ZNF335: variants seen among roughly 807,000 people sequenced by gnomAD.
The protein encoded by ZNF335 is NRC-interacting factor 1.
In ZNF335, 84 loss-of-function variants were observed where a neutral mutation model predicts 145.6. The observed-to-expected ratio is 0.58, with a 90% CI of 0.48 to 0.69. ZNF335 has a LOEUF of 0.69. Among genes scored for constraint, ZNF335 ranks in the 30% least tolerant of loss-of-function variants. ZNF335 has a pLI of 0.00. For missense variants in ZNF335, 1,865 were observed against 1,809.7 expected, an observed-to-expected ratio of 1.03 and a Z score of -0.55; for synonymous variants, 761 against 717.0, an observed-to-expected ratio of 1.06 and a Z score of -0.98.
chr20:45,951,383 T>C (rs2053406733), intron 20 of ZNF335, among the ~76,000 whole-genome samples: 2 of 152,228 alleles, frequency 1.3e-5, no homozygotes, highest in African/African-American at 4.8e-5. Context: ...ACTGGCCCAC[T>C]CACCTTCTCC....
At chr20:45,958,037 A>C (rs1600530527) in intron 15 of ZNF335, 109 bp from the exon 16 acceptor site, 1 of 845,272 alleles carries the variant, frequency 1.2e-6, no homozygotes, top group South Asian at 1.5e-5. Flanking sequence ...GGCTTGTTTC[A>C]TCTTCATAAC....
At chr20:45,958,250 G>A (rs946745620) in intron 15 of ZNF335, among the ~76,000 whole-genome samples, 1 of 152,150 alleles carries the variant, frequency 6.6e-6, no homozygotes, top group Non-Finnish European at 1.5e-5. Flanking sequence ...GTTTCTCCAT[G>A]TTGGTCGGCT....
chr20:45,970,755 G>GTTTTT (rs5841616), intron 2 of ZNF335, among the ~76,000 whole-genome samples: 1 of 127,872 alleles, frequency 7.8e-6, no homozygotes, highest in African/African-American at 2.9e-5. Flanking sequence ...GGGCACTTGC[G>GTTTTT]TTTTTTTTTT....
rs146160237 is a variant in ZNF335 at position 45,952,704 on chromosome 20, T to G, written c.2708A>C (p.Glu903Ala). 59 of 1,613,392 alleles carry G rather than the reference T, an allele frequency of 3.7e-5. No individual in the cohort carries two copies. Among genetic ancestry groups the G allele is most frequent in the Non-Finnish European group, 5.0e-5 (59 of 1,179,936 alleles). Residue 903 changes from glutamate (E) to alanine (A), a missense_variant, in exon 19 of 28, where the codon GAG becomes GCG. By Grantham distance (107) the Glu-to-Ala change is moderately radical. Transcript: ENST00000322927. Reference sequence around the variant, plus strand: ...AGCCTGGGCTGCCTCTCCTGCGGGCTCCTCGCTGTGGGCATGGAGAAGGTT... The same window carrying G: ...AGCCTGGGCTGCCTCTCCTGCGGGCGCCTCGCTGTGGGCATGGAGAAGGTT... ...TSAPGTPYSE[E>A]PAGEAAQAVV... is the part of the protein sequence containing the mutation.
Position 45,957,858 on chromosome 20 carries a change from C to T in ZNF335, c.2324G>A (p.Gly775Asp), listed in dbSNP as rs769408730. The stretch of plus-strand genomic sequence containing the variant: ...ACCTTGCTGGTAGATGATGGTGGCG[C>T]CGCCCAGGGTGTCAGAACAGAGCAA... Reference protein sequence around the residue: ...PSLLCSDTLGGATIIYQQGAE... With the variant: ...PSLLCSDTLGDATIIYQQGAE... The change falls in exon 16 of 28, where the codon GGC becomes GAC. Residue 775 changes from glycine (G) to aspartate (D), a missense_variant. By Grantham distance (94) the Gly-to-Asp change is moderately conservative. Transcript: ENST00000322927. 1.9e-6 allele frequency: 3 copies of T among 1,613,968 alleles called. No individual in the cohort carries two copies. The highest frequency in any genetic ancestry group is 3.3e-5 in the Admixed American group (2 of 60,016).
rs1415470500 is a variant in ZNF335 at position 45,952,721 on chromosome 20, G to C, written c.2703-12C>G. On this transcript the variant is annotated splice_polypyrimidine_tract_variant and intron_variant, in intron 18 of 27. Coordinates refer to ENST00000322927, the MANE Select transcript of ZNF335 (RefSeq NM_022095.4). ...CTGCGGGCTCCTCGCTGTGGGCATG[G>C]AGAAGGTTCTAGGAGAAGATGGAGG... 2 of 1,612,890 alleles carry C rather than the reference G, an allele frequency of 1.2e-6. No homozygotes were observed. Among genetic ancestry groups the C allele is most frequent in the African/African-American group, 2.7e-5 (2 of 74,884 alleles).
rs762815155 is a variant in ZNF335, at chr20:45,953,874, G to A, written c.2517C>T (p.Ala839=). 2 of 1,613,666 alleles carry A rather than the reference G, an allele frequency of 1.2e-6. No homozygotes were observed. Among genetic ancestry groups the A allele is most frequent in the African/African-American group, 1.3e-5 (1 of 74,934 alleles). ...CGTGGAGGGTGACCACCTGTGGAGT[G>A]GCACCTTCAGGGGAGGGCTGCCCAC... The part of the protein sequence containing the change: ...SPGGQPSPEG[A]TPQVVTLHVA... Residue 839 remains alanine (A), a synonymous_variant, in exon 18 of 28, where the codon GCC becomes GCT. Transcript: ENST00000322927.
Position 45,952,719 on chromosome 20 carries a change from T to G in ZNF335, c.2703-10A>C, listed in dbSNP as rs745453009. The G allele has an allele frequency of 1.2e-6, 2 of 1,613,098 alleles. No individual in the cohort carries two copies. The highest frequency in any genetic ancestry group is 2.2e-5 in the East Asian group (1 of 44,856). On this transcript the variant is annotated splice_polypyrimidine_tract_variant and intron_variant, in intron 18 of 27. Coordinates refer to ENST00000322927, the MANE Select transcript of ZNF335 (RefSeq NM_022095.4). Reference sequence around the variant, plus strand: ...TCCTGCGGGCTCCTCGCTGTGGGCATGGAGAAGGTTCTAGGAGAAGATGGA... The same window carrying G: ...TCCTGCGGGCTCCTCGCTGTGGGCAGGGAGAAGGTTCTAGGAGAAGATGGA...
intron 17 of ZNF335, among the ~76,000 whole-genome samples, chr20:45,955,248 G>A (rs971675123): frequency 1.2e-4 from 18 of 149,488 alleles, no homozygotes; most frequent in African/African-American, 4.4e-4. Context: ...CAGCTACTTG[G>A]GAGGCTGAGG....
intron 7 of ZNF335, 149 bp downstream of exon 7, chr20:45,965,479 T>C: frequency 1.1e-6 from 1 of 897,546 alleles, no homozygotes; most frequent in Non-Finnish European, 1.6e-6. Context: ...TTTGAGGGCT[T>C]TCCCCTTTCC....
chr20:45,964,068 C>T, intron 7 of ZNF335, 78 bp from the exon 8 acceptor site: 1 of 1,483,596 alleles, frequency 6.7e-7, no homozygotes, highest in Non-Finnish European at 8.9e-7. Context: ...AGAGGCCAGC[C>T]AAAATATCCT....
In ZNF335 at chr20:45,959,266, C is replaced by T. The variant is rs776836482; in HGVS notation, c.2188G>A (p.Glu730Lys). 6.6e-6 allele frequency: 10 copies of T among 1,520,662 alleles called. No homozygotes were observed. Among genetic ancestry groups the T allele is most frequent in the Middle Eastern group, 3.5e-4 (2 of 5,682 alleles). The allele number at this position is 1,520,662 out of a possible 1,614,324, so 94.2% of individuals were successfully genotyped here. ...GCACTGTGCTGCTGCTTCAGCTCCTCAATCTGCTGCAGAGAGAAGAAGGGG... is the reference window on the plus strand; with the variant it reads ...GCACTGTGCTGCTGCTTCAGCTCCTTAATCTGCTGCAGAGAGAAGAAGGGG... Reference protein sequence around the residue: ...RRPFFSLQQIEELKQQHSAAP... With the variant: ...RRPFFSLQQIKELKQQHSAAP... The change falls in exon 15 of 28, where the codon GAG becomes AAG. Residue 730 changes from glutamate (E) to lysine (K), a missense_variant. Glu to Lys is a moderately conservative substitution (Grantham distance 56, BLOSUM62 1). Transcript: ENST00000322927.
intron 6 of ZNF335, 80 bp from the exon 7 acceptor site, chr20:45,965,854 C>T: frequency 6.8e-7 from 1 of 1,478,824 alleles, no homozygotes; most frequent in South Asian, 1.3e-5. Flanking sequence ...CAGCTCACTT[C>T]CCTACCCCTG....
At position 45,963,909 on chromosome 20, in the gene ZNF335, G is replaced by A. The variant is rs777994236; in HGVS notation, c.1184C>T (p.Ser395Leu). ...CATGGCCACCAGGTGTCCTGGGCCT[G>A]AGGAGCTGGGAGCCTCGGGATCCTG... ...EPQDPEAPSS[S>L]GPGHLVAMGK... The change falls in exon 8 of 28, where the codon TCA becomes TTA. Residue 395 changes from serine (S) to leucine (L), a missense_variant. Physicochemically the swap from Ser to Leu is moderately radical, Grantham distance 145. Transcript: ENST00000322927. The A allele has an allele frequency of 8.8e-6, 14 of 1,583,822 alleles. No individual in the cohort carries two copies. Among genetic ancestry groups the A allele is most frequent in the Non-Finnish European group, 1.2e-5 (14 of 1,163,546 alleles).
At chr20:45,969,795 A>G (rs1245219627) in intron 2 of ZNF335, 104 bp from the exon 3 acceptor site, 1 of 1,496,458 alleles carries the variant, frequency 6.7e-7, no homozygotes, top group Non-Finnish European at 9.0e-7. Flanking sequence ...GCCCAAGGAC[A>G]TGGTCAGTGG....
At position 45,949,096 on chromosome 20, in the gene ZNF335, A is replaced by C; in HGVS notation, c.3902-16T>G. ...TCAGCCACTGCTGCCAGGGGAGGGG[A>C]AAGTATGGTGAGCTGGAGGCTCAAG... On this transcript the variant is annotated splice_polypyrimidine_tract_variant and intron_variant, in intron 27 of 27. Coordinates refer to ENST00000322927, the MANE Select transcript of ZNF335 (RefSeq NM_022095.4). The C allele has an allele frequency of 6.2e-7, 1 of 1,613,610 alleles. No homozygotes were observed. Among genetic ancestry groups the C allele is most frequent in the Non-Finnish European group, 8.5e-7 (1 of 1,179,982 alleles).
chr20:45,960,476 G>T lies in ZNF335; in HGVS notation c.1832C>A (p.Thr611Lys). ...KRYTFKMHLL[T>K]HIQAVANRRF... Reference sequence around the variant, plus strand: ...GCGGTTGGCAACAGCCTGGATGTGCGTGAGCAGGTGCATTTTGAAGGTGTA... The same window carrying T: ...GCGGTTGGCAACAGCCTGGATGTGCTTGAGCAGGTGCATTTTGAAGGTGTA... The change falls in exon 13 of 28, where the codon ACG becomes AAG. Residue 611 changes from threonine to lysine, a missense_variant. Thr to Lys is a moderately conservative substitution (Grantham distance 78). Coordinates refer to ENST00000322927, the MANE Select transcript of ZNF335 (RefSeq NM_022095.4). The T allele has an allele frequency of 6.2e-7, 1 of 1,614,186 alleles. No homozygotes were observed. The highest frequency in any genetic ancestry group is 8.5e-7 in the Non-Finnish European group (1 of 1,180,024).
At chr20:45,962,024 C>A (rs200243969) in intron 10 of ZNF335, 46 bp downstream of exon 10, 63 of 1,129,672 alleles carry the variant, frequency 5.6e-5, no homozygotes, top group South Asian at 4.1e-4. Flanking sequence ...ACTTCCCCAC[C>A]CAACCTGGCC....
At chr20:45,954,189 T>G (rs2145366058) in intron 17 of ZNF335, among the ~76,000 whole-genome samples, 1 of 152,260 alleles carries the variant, frequency 6.6e-6, no homozygotes. Context: ...CCCACAAAGA[T>G]TTGGCAACGT....
Sources: allele counts gnomAD v4.1 joint callset (sites outside exome capture counted in the v4.1 genomes callset), GRCh38; gene constraint gnomAD v4.1.1; transcripts MANE v1.5; gene names NCBI Gene and HGNC (gene_info 2026-07-23, HGNC 2026-07-21).